PTGR1: variants seen among roughly 807,000 people sequenced by gnomAD.
The protein encoded by PTGR1 is prostaglandin reductase 1.
PTGR1 carries 23 observed loss-of-function variants against 37.7 expected under a neutral mutation model. That is an observed-to-expected ratio of 0.61 (90% CI 0.44 to 0.86). The LOEUF is 0.86. Ranked by LOEUF, PTGR1 falls within the 40% of genes least tolerant of loss-of-function variation. PTGR1 has a pLI of 0.00. For missense variants in PTGR1, 351 were observed against 394.3 expected (o/e 0.89, Z 0.93); for synonymous variants, 134 against 140.0 (o/e 0.96, Z 0.30).
At chr9:111,550,476 T>G (rs1404119263) in intron 9 of PTGR1, among the ~76,000 whole-genome samples, 1 of 152,206 alleles carries the variant, frequency 6.6e-6, no homozygotes, top group East Asian at 1.9e-4. Flanking sequence ...TGGGTGGGGA[T>G]GGGTAGCTGC....
chr9:111,570,026 C>A, intron 9 of PTGR1, 65 bp downstream of exon 9: 16 of 1,602,312 alleles, frequency 1.0e-5, no homozygotes, highest in Non-Finnish European at 1.4e-5. Flanking sequence ...AGAACAAAAG[C>A]CTTGAGAGGC....
In PTGR1 at chr9:111,566,416, G is replaced by C. The variant is rs181624788; in HGVS notation, c.880-3185C>G. ...CACTGCAAGTGCTATACTGGGAAGA[G>C]TGCCAAGCTCCAGTGGCTGCTGGAG... On this transcript the variant is annotated intron_variant, in intron 9 of 9. Transcript: ENST00000407693. Among the ~76,000 whole-genome samples the C allele has an allele frequency of 7.2e-5, 11 of 152,334 alleles. No homozygotes were observed. In the South Asian group the frequency reaches 1.9e-3, roughly 26 times the overall value.
At chr9:111,576,361 G>GCAGA in intron 7 of PTGR1, 1 of 1,614,002 alleles carries the variant, frequency 6.2e-7, no homozygotes, top group Non-Finnish European at 8.5e-7. Context: ...CTGGTCACTT[G>GCAGA]CAGACATACA....
At chr9:111,576,273 G>T in intron 7 of PTGR1, 1 of 1,320,644 alleles carries the variant, frequency 7.6e-7, no homozygotes. Flanking sequence ...CATTATTAGT[G>T]GATTTCATAT....
At position 111,555,393 on chromosome 9, in the gene PTGR1, T is replaced by C. The variant is rs1318914660; in HGVS notation, c.880-5594A>G. Among the ~76,000 whole-genome samples the C allele has an allele frequency of 3.9e-5, 6 of 152,298 alleles. No individual in the cohort carries two copies. The East Asian group carries it at 7.7e-4, about 20-fold the overall frequency. On this transcript the variant is annotated intron_variant, in intron 9 of 9. Transcript: ENST00000538962. ...CCTGATGCCTCCACCTCCTAAATCT[T>C]TCCATATTTCATTAGTACCCCATCA...
intron 9 of PTGR1, among the ~76,000 whole-genome samples, chr9:111,554,514 C>A (rs1420875394): frequency 6.6e-6 from 1 of 152,136 alleles, no homozygotes; most frequent in African/African-American, 2.4e-5. Context: ...GCTCCAAGAC[C>A]TCGAGTGGAT....
chr9:111,575,757 C>T (rs981117837), intron 7 of PTGR1, among the ~76,000 whole-genome samples: 1 of 152,090 alleles, frequency 6.6e-6, no homozygotes, highest in African/African-American at 2.4e-5. Context: ...TAAAATGCAT[C>T]GTAGACCTGA....
intron 2 of PTGR1, 57 bp downstream of exon 2, chr9:111,597,260 G>T: frequency 7.5e-7 from 1 of 1,330,062 alleles, no homozygotes; most frequent in Non-Finnish European, 1.1e-6. Flanking sequence ...TTGTTATGCA[G>T]CAAAAGCTAA....
At chr9:111,577,519 A>C (rs1829111349) in intron 7 of PTGR1, 1 of 152,230 alleles carries the variant, frequency 6.6e-6, no homozygotes, top group Non-Finnish European at 1.5e-5. Flanking sequence ...TGTTCATAGT[A>C]ACATTATACT....
chr9:111,551,422 T>A (rs1050085828), intron 9 of PTGR1, among the ~76,000 whole-genome samples: 1 of 146,474 alleles, frequency 6.8e-6, no homozygotes, highest in African/African-American at 2.5e-5. Context: ...TTTTTTTTTT[T>A]TTTGAGATGG....
chr9:111,580,172 T>C (rs562761034), intron 6 of PTGR1, among the ~76,000 whole-genome samples: 3 of 152,320 alleles, frequency 2.0e-5, no homozygotes, highest in Admixed American at 6.5e-5. Flanking sequence ...TTCTATCTAT[T>C]AATGTTAGCC....
At chr9:111,582,087 C>A (rs1829298279) in intron 6 of PTGR1, among the ~76,000 whole-genome samples, 1 of 151,634 alleles carries the variant, frequency 6.6e-6, no homozygotes, top group Non-Finnish European at 1.5e-5. Context: ...GAAAAAAGAA[C>A]AAAGAAAATA....
chr9:111,573,385 C>A (rs1421612217), intron 8 of PTGR1, among the ~76,000 whole-genome samples: 1 of 152,108 alleles, frequency 6.6e-6, no homozygotes, highest in African/African-American at 2.4e-5. Flanking sequence ...TACAAGTTGC[C>A]CTTTGTCAGC....
intron 8 of PTGR1, among the ~76,000 whole-genome samples, chr9:111,573,160 C>T (rs925526498): frequency 7.9e-5 from 12 of 152,104 alleles, no homozygotes; most frequent in African/African-American, 2.9e-4. Flanking sequence ...TTACTGTATC[C>T]AAAATATTTG....
chr9:111,552,747 A>T (rs1341652876), intron 9 of PTGR1, among the ~76,000 whole-genome samples: 1 of 152,230 alleles, frequency 6.6e-6, no homozygotes, highest in East Asian at 1.9e-4. Flanking sequence ...AGGCTAAAGA[A>T]AAATACTTGA....
At chr9:111,554,016 A>G (rs550027649) in intron 9 of PTGR1, among the ~76,000 whole-genome samples, 28 of 152,312 alleles carry the variant, frequency 1.8e-4, no homozygotes, top group Admixed American at 1.2e-3. Context: ...CAGTGTTTTT[A>G]AGCACTAGCC....
chr9:111,579,256 G>T (rs1829198218), intron 6 of PTGR1, among the ~76,000 whole-genome samples: 1 of 151,742 alleles, frequency 6.6e-6, no homozygotes, highest in African/African-American at 2.4e-5. Flanking sequence ...CTTTGTTTCT[G>T]GGCTTCTCTT....
intron 9 of PTGR1, among the ~76,000 whole-genome samples, chr9:111,566,635 C>T (rs905727627): frequency 6.6e-6 from 1 of 152,132 alleles, no homozygotes; most frequent in Non-Finnish European, 1.5e-5. Flanking sequence ...CTACTTGGGA[C>T]CTGGAAGAGC....
intron 8 of PTGR1, among the ~76,000 whole-genome samples, chr9:111,571,082 G>A (rs1045106133): frequency 1.5e-5 from 2 of 133,070 alleles, no homozygotes; most frequent in African/African-American, 5.0e-5. Flanking sequence ...ATGCAGCCCT[G>A]CCAACCCATT....
Sources: gnomAD v4.1 joint callset for allele counts (sites outside exome capture counted in the v4.1 genomes callset) on GRCh38, gnomAD v4.1.1 for gene constraint, MANE v1.5 for transcripts, NCBI Gene and HGNC (gene_info 2026-07-23, HGNC 2026-07-21) for gene names.